NUP62CL: variants seen among roughly 807,000 people sequenced by gnomAD.
The protein encoded by NUP62CL is nucleoporin-62 C-terminal-like protein.
In NUP62CL, 13 loss-of-function variants were observed where a neutral mutation model predicts 15.3. The observed-to-expected ratio is 0.85, with a 90% CI of 0.55 to 1.35. NUP62CL has a LOEUF of 1.35. NUP62CL is among the 40% of genes most tolerant of loss of function. NUP62CL has a pLI of 0.00. For synonymous variants in NUP62CL, 54 were observed against 49.2 expected (o/e 1.10, Z -0.41); for missense variants, 123 against 130.6 (o/e 0.94, Z 0.28).
intron 1 of NUP62CL, among the ~76,000 whole-genome samples, chrX:107,200,888 C>T (rs976990179): frequency 5.4e-5 from 6 of 110,319 alleles, no homozygotes; most frequent in African/African-American, 1.6e-4. Flanking sequence ...AAGAATCTTT[C>T]CCAAAACTCT....
At chrX:107,185,162 A>C (rs1927025317) in intron 2 of NUP62CL, among the ~76,000 whole-genome samples, 1 of 91,436 alleles carries the variant, frequency 1.1e-5, no homozygotes, top group Admixed American at 1.4e-4. Context: ...GCGCCACTGC[A>C]CTCCAGCCTG....
At chrX:107,131,145 A>G (rs750962420) in intron 8 of NUP62CL, among the ~76,000 whole-genome samples, 1 of 111,805 alleles carries the variant, frequency 8.9e-6, no homozygotes, top group South Asian at 3.8e-4. Flanking sequence ...CAAGGAGCTG[A>G]TGTTTTTCAT....
At chrX:107,165,075 T>G (rs760465162) in intron 4 of NUP62CL, among the ~76,000 whole-genome samples, 1 of 112,077 alleles carries the variant, frequency 8.9e-6, no homozygotes, top group East Asian at 2.8e-4. Context: ...CACTCCAGCC[T>G]GGGCGACAGA....
intron 4 of NUP62CL, among the ~76,000 whole-genome samples, chrX:107,161,969 TCAAA>T (rs1361385253): frequency 1.9e-5 from 2 of 105,473 alleles, no homozygotes; most frequent in Admixed American, 2.0e-4. Flanking sequence ...AAAAAAAGGC[TCAAA>T]CAAGCCATTT....
chrX:107,152,101 T>C (rs1926042293), intron 7 of NUP62CL, among the ~76,000 whole-genome samples: 1 of 66,753 alleles, frequency 1.5e-5, no homozygotes, highest in Non-Finnish European at 2.5e-5. Flanking sequence ...TATATTCAGA[T>C]ATATATATAT....
intron 7 of NUP62CL, among the ~76,000 whole-genome samples, chrX:107,151,498 C>T (rs1232585678): frequency 2.0e-5 from 2 of 100,087 alleles, no homozygotes; most frequent in Non-Finnish European, 3.9e-5. Flanking sequence ...CCTAAATTCT[C>T]GAGATTTCCA....
At chrX:107,191,946 T>A (rs5962801) in intron 2 of NUP62CL, among the ~76,000 whole-genome samples, 26,470 of 110,915 alleles carry the variant, frequency 0.24, 2,587 homozygotes, top group East Asian at 0.47. Flanking sequence ...TAAGAAAGAT[T>A]ATTTAGCATT....
chrX:107,179,634 G>T (rs6622172), intron 2 of NUP62CL, among the ~76,000 whole-genome samples: 41,014 of 111,088 alleles, frequency 0.37, 8,136 homozygotes, highest in African/African-American at 0.77. Flanking sequence ...TATGGACATT[G>T]AGGTTGATTT....
chrX:107,165,884 C>G (rs1182359188), intron 4 of NUP62CL, among the ~76,000 whole-genome samples: 1 of 111,962 alleles, frequency 8.9e-6, no homozygotes, highest in Non-Finnish European at 1.9e-5. Flanking sequence ...CTAAACCTCA[C>G]ACCTTATATA....
At chrX:107,198,581 C>G (rs1401923054) in intron 1 of NUP62CL, among the ~76,000 whole-genome samples, 1 of 111,414 alleles carries the variant, frequency 9.0e-6, no homozygotes, top group Non-Finnish European at 1.9e-5. Flanking sequence ...AAGAACAACT[C>G]TGGACGCACC....
chrX:107,136,961 G>A (rs1319299002), intron 8 of NUP62CL, among the ~76,000 whole-genome samples: 1 of 111,750 alleles, frequency 8.9e-6, no homozygotes, highest in East Asian at 2.8e-4. Context: ...CTATTTGGGA[G>A]GCTGAGGCAG....
chrX:107,179,291 A>C (rs2059068958), intron 2 of NUP62CL, among the ~76,000 whole-genome samples: 1 of 111,013 alleles, frequency 9.0e-6, no homozygotes, highest in South Asian at 3.8e-4. Flanking sequence ...GATATTTTTA[A>C]ATTTTATTTT....
chrX:107,203,008 A>T (rs758094756), intron 1 of NUP62CL, among the ~76,000 whole-genome samples: 1 of 105,375 alleles, frequency 9.5e-6, no homozygotes, highest in South Asian at 4.4e-4. Context: ...ATTCAACCTA[A>T]CTCATATGTA....
At chrX:107,165,799 G>T (rs889958304) in intron 4 of NUP62CL, among the ~76,000 whole-genome samples, 1 of 111,587 alleles carries the variant, frequency 9.0e-6, no homozygotes. Context: ...AAGCAATTCA[G>T]GGGGGAAGAT....
At chrX:107,162,943 A>C (rs1448633587) in intron 4 of NUP62CL, among the ~76,000 whole-genome samples, 1 of 111,440 alleles carries the variant, frequency 9.0e-6, no homozygotes, top group Admixed American at 9.5e-5. Context: ...CTGATCTGAC[A>C]GGAGGCGGAG....
chrX:107,184,286 CA>C, intron 2 of NUP62CL, among the ~76,000 whole-genome samples: 1 of 44,795 alleles, frequency 2.2e-5, no homozygotes, highest in East Asian at 1.1e-3. Context: ...CGCCTCAGCA[CA>C]AAAAAAGAGA....
chrX:107,141,044 C>T (rs374922610), intron 8 of NUP62CL, among the ~76,000 whole-genome samples: 1 of 112,393 alleles, frequency 8.9e-6, no homozygotes, highest in Admixed American at 9.4e-5. Context: ...TCTGGGGAGT[C>T]TCTCCAACTT....
chrX:107,156,544 T>C (rs1201607217), intron 4 of NUP62CL, among the ~76,000 whole-genome samples: 1 of 100,418 alleles, frequency 1.0e-5, no homozygotes, highest in Non-Finnish European at 2.0e-5. Context: ...CGGCAGGGTA[T>C]TCCAACAGAC....
In NUP62CL at chrX:107,195,064, G is replaced by A. The variant is rs941778526; in HGVS notation, c.-91-1992C>T. Among the ~76,000 whole-genome samples the A allele has an allele frequency of 6.5e-4, 72 of 110,192 alleles. 1 individual carries two copies. The highest frequency in any genetic ancestry group is 2.3e-3 in the African/African-American group (70 of 30,334). ...ACTCCTGACCTCAGATGATCTGCCT[G>A]CCTCAGCCTCCCAGTGTTGGGATTA... is the stretch of plus-strand genomic sequence containing the variant. On this transcript the variant is annotated intron_variant, in intron 1 of 8. Coordinates refer to ENST00000372466, the MANE Select transcript of NUP62CL (RefSeq NM_017681.3).
Sources: gnomAD v4.1 joint callset for allele counts (sites outside exome capture counted in the v4.1 genomes callset) on GRCh38, gnomAD v4.1.1 for gene constraint, MANE v1.5 for transcripts, NCBI Gene and HGNC (gene_info 2026-07-23, HGNC 2026-07-21) for gene names.